The following GLIS3 variants were observed in gnomAD, a reference collection of about 807,000 sequenced individuals.
GLIS3 encodes GLIS family zinc finger 3, also known as zinc finger protein GLIS3.
Under a neutral mutation model 78.6 loss-of-function variants are expected in GLIS3, and 53 were observed. The observed-to-expected ratio is 0.67, with a 90% CI of 0.54 to 0.85. GLIS3 has a LOEUF of 0.85. GLIS3 is among the 40% of genes least tolerant of loss of function. The pLI is 0.00. For missense variants in GLIS3, 1,703 were observed against 1,231.1 expected (o/e 1.38, Z -5.74); for synonymous variants, 684 against 509.9 (o/e 1.34, Z -4.60).
chr9:4,311,623 C>T (rs190082254), intron 2 of GLIS3, among the ~76,000 whole-genome samples: 18 of 152,228 alleles, frequency 1.2e-4, no homozygotes, highest in Admixed American at 9.8e-4. Context: ...CCCTGACTTC[C>T]ACCATCTGTC....
intron 2 of GLIS3, among the ~76,000 whole-genome samples, chr9:4,279,985 A>T (rs1827401576): frequency 6.6e-6 from 1 of 152,124 alleles, no homozygotes; most frequent in Admixed American, 6.5e-5. Context: ...GTAGAATGAA[A>T]TAAAAAATAA....
chr9:4,457,360 CAAA>C, the GLIS3 span, among the ~76,000 whole-genome samples: 1 of 125,684 alleles, frequency 8.0e-6, no homozygotes, highest in African/African-American at 3.0e-5. Flanking sequence ...GACCTTGTCT[CAAA>C]AAAAAAAAAG....
At chr9:4,196,135 A>T (rs1418131305) in intron 2 of GLIS3, among the ~76,000 whole-genome samples, 1 of 151,714 alleles carries the variant, frequency 6.6e-6, no homozygotes, top group Admixed American at 6.6e-5. Flanking sequence ...TGTCTAGCTA[A>T]TCTAGTGGGG....
chr9:4,130,493 A>G (rs1832894757), intron 2 of GLIS3, among the ~76,000 whole-genome samples: 1 of 152,224 alleles, frequency 6.6e-6, no homozygotes, highest in African/African-American at 2.4e-5. Flanking sequence ...TGCTCCCTGC[A>G]TCCCAGCAGC....
intron 4 of GLIS3, among the ~76,000 whole-genome samples, chr9:4,106,010 A>G (rs1446706664): frequency 6.6e-6 from 1 of 152,178 alleles, no homozygotes. Context: ...GAACCTGAAT[A>G]CTTCCCACCT....
chr9:3,919,362 G>T (rs1389160258), intron 6 of GLIS3, among the ~76,000 whole-genome samples: 2 of 152,130 alleles, frequency 1.3e-5, no homozygotes, highest in South Asian at 2.1e-4. Flanking sequence ...TAACGTCTCT[G>T]AACCTGAGGT....
the GLIS3 span, among the ~76,000 whole-genome samples, chr9:4,370,737 CATA>C: frequency 6.9e-4 from 105 of 151,330 alleles, no homozygotes; most frequent in Middle Eastern, 6.8e-3. Flanking sequence ...TTAAATTTAG[CATA>C]GTATTATATC....
intron 8 of GLIS3, among the ~76,000 whole-genome samples, chr9:3,867,491 G>T (rs1283967450): frequency 6.6e-6 from 1 of 152,182 alleles, no homozygotes; most frequent in Non-Finnish European, 1.5e-5. Flanking sequence ...TAGTTAAGAA[G>T]CTTAAAGACT....
rs114610109 is a variant in GLIS3, at chr9:4,018,054, C to T, written c.1711-80865G>A. 2.8e-3 allele frequency among the ~76,000 whole-genome samples: 425 copies of T among 152,294 alleles called. 6 individuals are homozygous for T. The highest frequency in any genetic ancestry group is 0.01 in the Middle Eastern group (3 of 294). ...AACTACATCTCAGTGCTGTGATAATCCTCATAAACACGTGCATTTTCGAAT... is the reference window on the plus strand; with the variant it reads ...AACTACATCTCAGTGCTGTGATAATTCTCATAAACACGTGCATTTTCGAAT... On this transcript the variant is annotated intron_variant, in intron 4 of 10. Coordinates refer to ENST00000381971, the MANE Select transcript of GLIS3 (RefSeq NM_001042413.2).
Position 3,919,502 on chromosome 9 carries a change from G to A in GLIS3, c.1983+12858C>T, listed in dbSNP as rs1362894838. 2.6e-5 allele frequency among the ~76,000 whole-genome samples: 4 copies of A among 152,028 alleles called. No homozygotes were observed. The East Asian group carries it at 5.8e-4, about 22-fold the overall frequency. Reference sequence around the variant, plus strand: ...CTGTTGGGAGGGTGGAAGATGGGAGGAGGAGAATCAGAAAAAATAACTAAT... The same window carrying A: ...CTGTTGGGAGGGTGGAAGATGGGAGAAGGAGAATCAGAAAAAATAACTAAT... On this transcript the variant is annotated intron_variant, in intron 6 of 10. Coordinates refer to ENST00000381971, the MANE Select transcript of GLIS3 (RefSeq NM_001042413.2).
chr9:3,927,528 G>C (rs992790986), intron 6 of GLIS3, among the ~76,000 whole-genome samples: 2 of 152,054 alleles, frequency 1.3e-5, no homozygotes, highest in African/African-American at 2.4e-5. Context: ...CGCACACCTC[G>C]GGCAACAGCT....
At chr9:4,178,071 G>C (rs1301441061) in intron 2 of GLIS3, among the ~76,000 whole-genome samples, 1 of 152,150 alleles carries the variant, frequency 6.6e-6, no homozygotes, top group African/African-American at 2.4e-5. Flanking sequence ...TTTCTCAAAA[G>C]CCCCACATTT....
At chr9:3,979,096 G>A (rs1407337407) in intron 4 of GLIS3, among the ~76,000 whole-genome samples, 4 of 151,992 alleles carry the variant, frequency 2.6e-5, no homozygotes, top group Non-Finnish European at 1.5e-5. Flanking sequence ...GGATACTTAG[G>A]GAAAACCATA....
At chr9:4,004,925 T>C (rs891204804) in intron 4 of GLIS3, among the ~76,000 whole-genome samples, 15 of 152,180 alleles carry the variant, frequency 9.9e-5, no homozygotes, top group South Asian at 2.1e-4. Context: ...TAAAATGTAA[T>C]TGAATAAAGA....
the GLIS3 span, among the ~76,000 whole-genome samples, chr9:4,368,693 T>A: frequency 6.6e-6 from 1 of 152,208 alleles, no homozygotes; most frequent in Admixed American, 6.5e-5. Context: ...GGCCAAAACC[T>A]AATGGATGAC....
chr9:3,834,601 C>A (rs1208195216), intron 9 of GLIS3, among the ~76,000 whole-genome samples: 1 of 152,100 alleles, frequency 6.6e-6, no homozygotes, highest in Admixed American at 6.5e-5. Flanking sequence ...AAATTAAATT[C>A]TAGAAAGAAA....
At chr9:4,009,391 C>G (rs1429384786) in intron 4 of GLIS3, among the ~76,000 whole-genome samples, 1 of 152,192 alleles carries the variant, frequency 6.6e-6, no homozygotes, top group Non-Finnish European at 1.5e-5. Context: ...ACACGTGTAA[C>G]AGGCGCCAGC....
At chr9:4,300,407 CA>C (rs1469257627), upstream of GLIS3, among the ~76,000 whole-genome samples, 2 of 151,888 alleles carry the variant, frequency 1.3e-5, no homozygotes, top group African/African-American at 4.8e-5. Context: ...AATAAACAAA[CA>C]ACCAAAAAAA....
the GLIS3 span, among the ~76,000 whole-genome samples, chr9:4,377,110 T>C: frequency 1.5e-5 from 2 of 135,092 alleles, 1 homozygote; most frequent in Non-Finnish European, 3.3e-5. Context: ...GATTGAAGGA[T>C]GCCTAGATAG....
Sources: allele counts gnomAD v4.1 joint callset (sites outside exome capture counted in the v4.1 genomes callset), GRCh38; gene constraint gnomAD v4.1.1; transcripts MANE v1.5; gene names NCBI Gene and HGNC (gene_info 2026-07-23, HGNC 2026-07-21).